CERS6: variants seen among roughly 807,000 people sequenced by gnomAD.
CERS6 encodes ceramide synthase 6.
A neutral mutation model predicts 56.8 loss-of-function variants in CERS6; 26 were observed. That is an observed-to-expected ratio of 0.46 (90% CI 0.34 to 0.63). The LOEUF (loss-of-function observed/expected upper bound fraction) is 0.63. Ranked by LOEUF, CERS6 falls within the 30% of genes least tolerant of loss-of-function variation. CERS6 has a pLI of 0.01. For missense variants in CERS6, 415 were observed against 467.5 expected (o/e 0.89, Z 1.04); for synonymous variants, 164 against 173.3 (o/e 0.95, Z 0.42).
intron 6 of CERS6, among the ~76,000 whole-genome samples, chr2:168,695,440 G>T (rs1488419280): frequency 2.0e-5 from 3 of 152,220 alleles, no homozygotes; most frequent in Admixed American, 1.3e-4. Context: ...TTCCCCAATT[G>T]CAGGGTTGTC....
At chr2:168,752,673 C>T (rs1684308860) in intron 8 of CERS6, among the ~76,000 whole-genome samples, 1 of 152,168 alleles carries the variant, frequency 6.6e-6, no homozygotes, top group Non-Finnish European at 1.5e-5. Flanking sequence ...TCTCCGTAGC[C>T]ATTACTATCC....
At chr2:168,719,763 C>T (rs1687313372) in intron 8 of CERS6, among the ~76,000 whole-genome samples, 1 of 152,162 alleles carries the variant, frequency 6.6e-6, no homozygotes, top group African/African-American at 2.4e-5. Flanking sequence ...CTCCTCCAGA[C>T]TTCTCTTCCA....
At position 168,511,751 on chromosome 2, in the gene CERS6, A is replaced by G. The variant is rs1040941216; in HGVS notation, c.171-35845A>G. On this transcript the variant is annotated intron_variant, in intron 1 of 9. Coordinates refer to ENST00000305747, the MANE Select transcript of CERS6 (RefSeq NM_203463.3). ...TGTATTTAAAGTTTAAAAAATTTGG[A>G]GTATAATTTACATACAGTTATTCAT... Among the ~76,000 whole-genome samples, 8 of 152,164 alleles carry G rather than the reference A, an allele frequency of 5.3e-5. No homozygotes were observed. In the South Asian group the frequency reaches 1.4e-3, roughly 28 times the overall value.
chr2:168,594,730 C>T (rs1214204134), intron 3 of CERS6, among the ~76,000 whole-genome samples: 1 of 152,164 alleles, frequency 6.6e-6, no homozygotes, highest in African/African-American at 2.4e-5. Context: ...TACCATGAGC[C>T]CTTTCTACTA....
At chr2:168,710,255 G>A (rs1275958590) in intron 6 of CERS6, among the ~76,000 whole-genome samples, 7 of 152,082 alleles carry the variant, frequency 4.6e-5, no homozygotes, top group Non-Finnish European at 1.0e-4. Flanking sequence ...TTATAAAATG[G>A]TACTAATCCT....
intron 2 of CERS6, 96 bp from the exon 3 acceptor site, chr2:168,561,096 G>T: frequency 7.5e-7 from 1 of 1,330,146 alleles, no homozygotes; most frequent in Non-Finnish European, 1.0e-6. Flanking sequence ...AAACAATAGG[G>T]GGAAAAAAAC....
chr2:168,762,434 T>C (rs1260472565), intron 8 of CERS6, among the ~76,000 whole-genome samples: 1 of 152,192 alleles, frequency 6.6e-6, no homozygotes, highest in African/African-American at 2.4e-5. Context: ...GAAGTAACTC[T>C]GGTGTTTATT....
chr2:168,690,992 A>G lies in CERS6; in HGVS notation c.466-42A>G, dbSNP rs777366116. 35 of 1,563,106 alleles carry G rather than the reference A, an allele frequency of 2.2e-5. 1 individual carries two copies. In the South Asian group the frequency reaches 3.2e-4, roughly 14 times the overall value. ...GTAAACCTTTTTTATCCTCTTATCCATGTTCTAAAATATGTAAAATATTTT... is the reference window on the plus strand; with the variant it reads ...GTAAACCTTTTTTATCCTCTTATCCGTGTTCTAAAATATGTAAAATATTTT... On this transcript the variant is annotated intron_variant, in intron 4 of 9. Coordinates refer to ENST00000305747, the MANE Select transcript of CERS6 (RefSeq NM_203463.3).
chr2:168,617,409 C>A (rs528229015), intron 3 of CERS6, among the ~76,000 whole-genome samples: 28 of 150,654 alleles, frequency 1.9e-4, no homozygotes, highest in Non-Finnish European at 3.3e-4. Flanking sequence ...GAAATTGAAA[C>A]AAAAAAAATT....
chr2:168,470,602 CTTT>C (rs1029154963), intron 1 of CERS6, among the ~76,000 whole-genome samples: 9 of 152,160 alleles, frequency 5.9e-5, no homozygotes, highest in Non-Finnish European at 1.2e-4. Flanking sequence ...AGACCATAAA[CTTT>C]TTTGTTTTCC....
chr2:168,685,993 G>A (rs958377865), intron 4 of CERS6, among the ~76,000 whole-genome samples: 2 of 150,188 alleles, frequency 1.3e-5, no homozygotes, highest in Non-Finnish European at 1.5e-5. Flanking sequence ...ATTAGTTGAC[G>A]TGTAATTTAA....
intron 3 of CERS6, among the ~76,000 whole-genome samples, chr2:168,593,526 G>A (rs1683725246): frequency 6.6e-6 from 1 of 151,722 alleles, no homozygotes; most frequent in South Asian, 2.1e-4. Context: ...GAGTTTCTGT[G>A]TGTTTTGTTT....
chr2:168,483,704 T>C (rs1197512167), intron 1 of CERS6, among the ~76,000 whole-genome samples: 1 of 152,242 alleles, frequency 6.6e-6, no homozygotes, highest in Non-Finnish European at 1.5e-5. Flanking sequence ...CCCTGGGGAT[T>C]GAAGTAACGC....
chr2:168,660,391 A>G (rs952401901), intron 4 of CERS6, among the ~76,000 whole-genome samples: 1 of 152,170 alleles, frequency 6.6e-6, no homozygotes, highest in Non-Finnish European at 1.5e-5. Context: ...CCTGCTTTCT[A>G]ACAGTCTCTC....
chr2:168,660,766 T>G (rs1208798474), intron 4 of CERS6, among the ~76,000 whole-genome samples: 2 of 152,228 alleles, frequency 1.3e-5, no homozygotes, highest in Non-Finnish European at 1.5e-5. Context: ...TGGCTTCAGT[T>G]TGGTTTTGAA....
intron 2 of CERS6, 95 bp downstream of exon 2, chr2:168,547,796 A>G: frequency 1.2e-6 from 1 of 845,356 alleles, no homozygotes. Context: ...TGGAGAATCA[A>G]CTTTTGCCTA....
intron 8 of CERS6, among the ~76,000 whole-genome samples, chr2:168,726,645 A>G (rs1485915104): frequency 6.6e-6 from 1 of 152,246 alleles, no homozygotes; most frequent in Non-Finnish European, 1.5e-5. Flanking sequence ...CATCGGTAAA[A>G]TAATGGTAAA....
chr2:168,675,681 T>A (rs908021326), intron 4 of CERS6, among the ~76,000 whole-genome samples: 4 of 151,888 alleles, frequency 2.6e-5, no homozygotes, highest in Non-Finnish European at 5.9e-5. Context: ...TGGAAAAAAA[T>A]AACTATTTTG....
chr2:168,603,650 C>T (rs1460022191), intron 3 of CERS6, among the ~76,000 whole-genome samples: 4 of 152,228 alleles, frequency 2.6e-5, no homozygotes, highest in Non-Finnish European at 4.4e-5. Flanking sequence ...AGGTGTAGCT[C>T]AGCCTCCTGG....
Sources: allele counts gnomAD v4.1 joint callset (sites outside exome capture counted in the v4.1 genomes callset), GRCh38; gene constraint gnomAD v4.1.1; transcripts MANE v1.5; gene names NCBI Gene and HGNC (gene_info 2026-07-23, HGNC 2026-07-21).